The following MPPED2 variants were observed in gnomAD, a reference collection of about 807,000 sequenced individuals.
MPPED2 encodes metallophosphoesterase domain containing 2.
A neutral mutation model predicts 33.0 loss-of-function variants in MPPED2; 5 were observed. That is an observed-to-expected ratio of 0.15 (90% CI 0.08 to 0.32). The LOEUF (loss-of-function observed/expected upper bound fraction) is 0.32, where lower values mean the gene tolerates loss of function less well. Among genes scored for constraint, MPPED2 ranks in the 10% least tolerant of loss-of-function variants. MPPED2 has a pLI of 1.00. For missense variants in MPPED2, 275 were observed against 372.1 expected, an observed-to-expected ratio of 0.74 and a Z score of 2.15; for synonymous variants, 136 against 141.9, an observed-to-expected ratio of 0.96 and a Z score of 0.29.
At chr11:30,459,253 A>T (rs972074163) in intron 4 of MPPED2, among the ~76,000 whole-genome samples, 4 of 152,158 alleles carry the variant, frequency 2.6e-5, no homozygotes, top group African/African-American at 9.7e-5. Flanking sequence ...AAATTTACCC[A>T]AACACCCCAC....
chr11:30,491,609 C>T (rs745500545), intron 4 of MPPED2, among the ~76,000 whole-genome samples: 43 of 152,134 alleles, frequency 2.8e-4, no homozygotes, highest in Admixed American at 9.8e-4. Context: ...ACCATGAAAC[C>T]GTAATGTTTT....
intron 2 of MPPED2, among the ~76,000 whole-genome samples, chr11:30,574,411 T>C (rs1311583666): frequency 6.6e-6 from 1 of 152,200 alleles, no homozygotes; most frequent in Admixed American, 6.5e-5. Context: ...GGTTATACCA[T>C]CTACGTTTGT....
chr11:30,559,893 T>C (rs186404940), intron 2 of MPPED2, among the ~76,000 whole-genome samples: 38 of 152,236 alleles, frequency 2.5e-4, no homozygotes, highest in Non-Finnish European at 5.0e-4. Flanking sequence ...TGCCCTATTT[T>C]GAAAATAGTC....
chr11:30,573,304 A>C (rs573221001), intron 2 of MPPED2, among the ~76,000 whole-genome samples: 1 of 152,314 alleles, frequency 6.6e-6, no homozygotes, highest in East Asian at 1.9e-4. Flanking sequence ...TGCCAGTGGT[A>C]TAAAGTATAG....
chr11:30,489,366 G>A (rs1951875300), intron 4 of MPPED2, among the ~76,000 whole-genome samples: 2 of 152,198 alleles, frequency 1.3e-5, no homozygotes, highest in Non-Finnish European at 2.9e-5. Flanking sequence ...AGCTATTTGT[G>A]TGCAAACACA....
chr11:30,509,026 C>T (rs1952992904), intron 3 of MPPED2, among the ~76,000 whole-genome samples: 1 of 152,116 alleles, frequency 6.6e-6, no homozygotes, highest in Non-Finnish European at 1.5e-5. Context: ...ATATGATTAG[C>T]GAAGACCTCA....
chr11:30,560,721 T>C (rs1956203318), intron 2 of MPPED2, among the ~76,000 whole-genome samples: 1 of 152,222 alleles, frequency 6.6e-6, no homozygotes, highest in South Asian at 2.1e-4. Flanking sequence ...ATGCAGGCAA[T>C]GTAATTTCAC....
At chr11:30,503,825 G>T (rs1439078552) in intron 3 of MPPED2, among the ~76,000 whole-genome samples, 1 of 152,118 alleles carries the variant, frequency 6.6e-6, no homozygotes, top group African/African-American at 2.4e-5. Flanking sequence ...TCTATAGCAG[G>T]AGGAAAAACA....
chr11:30,463,592 G>A (rs1037107030), intron 4 of MPPED2, among the ~76,000 whole-genome samples: 3 of 152,186 alleles, frequency 2.0e-5, no homozygotes, highest in African/African-American at 7.2e-5. Context: ...CATTTTGAAA[G>A]CCTAAGGAGA....
At chr11:30,395,977 G>A (rs185237254) in intron 6 of MPPED2, among the ~76,000 whole-genome samples, 3 of 152,034 alleles carry the variant, frequency 2.0e-5, no homozygotes, top group Non-Finnish European at 2.9e-5. Context: ...TGACCTAACC[G>A]GTTCTTAAAT....
At chr11:30,428,231 A>T (rs1487571008) in intron 4 of MPPED2, among the ~76,000 whole-genome samples, 2 of 152,220 alleles carry the variant, frequency 1.3e-5, no homozygotes, top group Non-Finnish European at 2.9e-5. Context: ...GCTGGTATAT[A>T]TCTCTCATCT....
At chr11:30,556,508 A>G (rs1028183485) in intron 2 of MPPED2, among the ~76,000 whole-genome samples, 12 of 152,196 alleles carry the variant, frequency 7.9e-5, no homozygotes, top group Non-Finnish European at 1.8e-4. Context: ...ATTGTTTGGA[A>G]AAGAAAATAA....
chr11:30,416,073 T>C (rs951824116), intron 5 of MPPED2, among the ~76,000 whole-genome samples: 2 of 152,218 alleles, frequency 1.3e-5, no homozygotes, highest in Non-Finnish European at 2.9e-5. Context: ...GGTTGTAAAA[T>C]AGGGAACTTA....
intron 4 of MPPED2, among the ~76,000 whole-genome samples, chr11:30,421,996 C>T (rs990400704): frequency 7.2e-5 from 11 of 152,112 alleles, no homozygotes; most frequent in Non-Finnish European, 1.0e-4. Flanking sequence ...ATTATCTCAG[C>T]GTGGCATAAC....
At chr11:30,481,531 A>T (rs1161134591) in intron 4 of MPPED2, among the ~76,000 whole-genome samples, 1 of 152,194 alleles carries the variant, frequency 6.6e-6, no homozygotes, top group Non-Finnish European at 1.5e-5. Flanking sequence ...AATAGAAACA[A>T]GCTCCAAGGA....
intron 4 of MPPED2, among the ~76,000 whole-genome samples, chr11:30,461,171 G>T (rs1034899337): frequency 1.3e-5 from 2 of 152,136 alleles, no homozygotes; most frequent in Non-Finnish European, 2.9e-5. Flanking sequence ...AGTCAAGTTC[G>T]TATAGACGGA....
intron 2 of MPPED2, among the ~76,000 whole-genome samples, chr11:30,565,660 A>G (rs1016849373): frequency 6.6e-6 from 1 of 152,204 alleles, no homozygotes; most frequent in African/African-American, 2.4e-5. Context: ...GAAGTCAGTC[A>G]TCTAAATTAA....
chr11:30,557,918 T>G (rs1009461017), intron 2 of MPPED2, among the ~76,000 whole-genome samples: 1 of 152,196 alleles, frequency 6.6e-6, no homozygotes, highest in Admixed American at 6.5e-5. Context: ...ATTTTATTCC[T>G]TGGGCGTGTT....
At chr11:30,404,254 A>G (rs886972600) in intron 6 of MPPED2, among the ~76,000 whole-genome samples, 5 of 152,236 alleles carry the variant, frequency 3.3e-5, no homozygotes, top group African/African-American at 4.8e-5. Flanking sequence ...TTTGGATTCC[A>G]CATAAGAGTA....
Sources: gnomAD v4.1 joint callset for allele counts (sites outside exome capture counted in the v4.1 genomes callset) on GRCh38, gnomAD v4.1.1 for gene constraint, MANE v1.5 for transcripts, NCBI Gene and HGNC (gene_info 2026-07-23, HGNC 2026-07-21) for gene names.